Variants in RPGRIP1L observed in about 807,000 individuals in gnomAD.
RPGRIP1L encodes protein fantom.
A neutral mutation model predicts 160.4 loss-of-function variants in RPGRIP1L; 131 were observed. That is an observed-to-expected ratio of 0.82 (90% CI 0.71 to 0.94). The LOEUF (loss-of-function observed/expected upper bound fraction) is 0.94, where lower values mean the gene tolerates loss of function less well. Among genes scored for constraint, RPGRIP1L ranks in the 40% least tolerant of loss-of-function variants. The pLI, the probability that RPGRIP1L is intolerant of heterozygous loss-of-function variation, is 0.00. For missense variants in RPGRIP1L, 1,522 were observed against 1,535.8 expected, an observed-to-expected ratio of 0.99 and a Z score of 0.15; for synonymous variants, 510 against 515.8, an observed-to-expected ratio of 0.99 and a Z score of 0.15.
At position 53,667,555 on chromosome 16, in the gene RPGRIP1L, T is replaced by G. The variant is rs11865263; in HGVS notation, c.1104-2546A>C. ...GAGTTCAAGACCAGCCTAGGAAACA[T>G]AGAGAGATCCCATCTCTATAAAAAA... On this transcript the variant is annotated intron_variant, in intron 9 of 26. Coordinates refer to ENST00000647211, the MANE Select transcript of RPGRIP1L (RefSeq NM_015272.5). Among the ~76,000 whole-genome samples the G allele has an allele frequency of 7.2e-3, 1,091 of 151,860 alleles. 13 individuals carry two copies. The highest frequency in any genetic ancestry group is 0.025 in the African/African-American group (1,039 of 41,430).
chr16:53,671,481 A>G (rs769323313), intron 9 of RPGRIP1L, 29 bp downstream of exon 9: 1 of 1,410,396 alleles, frequency 7.1e-7, no homozygotes, highest in Admixed American at 1.7e-5. Context: ...AAACAAGACA[A>G]TGAAAGAACA....
Position 53,671,985 on chromosome 16 carries a change from CT to C in RPGRIP1L, c.1030-403del, listed in dbSNP as rs534364302. Among the ~76,000 whole-genome samples the C allele has an allele frequency of 1.2e-3, 183 of 151,852 alleles. 1 individual carries two copies. Among genetic ancestry groups the C allele is most frequent in the African/African-American group, 3.8e-3 (158 of 41,464 alleles). On this transcript the variant is annotated intron_variant, in intron 8 of 26. Transcript: ENST00000647211. ...GCCCATAAAGAATTAAAAGAGTTAACTTTTTTTTAGGTTCATGGTTCAAATT... is the reference window on the plus strand; with the variant it reads ...GCCCATAAAGAATTAAAAGAGTTAACTTTTTTTAGGTTCATGGTTCAAATT...
chr16:53,695,623 A>G (rs957603000), intron 3 of RPGRIP1L: 6 of 580,410 alleles, frequency 1.0e-5, no homozygotes, highest in Non-Finnish European at 1.8e-5. Flanking sequence ...TTTGCACATA[A>G]ATCAAAAGTG....
At chr16:53,620,822 A>C (rs549276872) in intron 23 of RPGRIP1L, among the ~76,000 whole-genome samples, 2 of 152,300 alleles carry the variant, frequency 1.3e-5, no homozygotes, top group East Asian at 3.9e-4. Context: ...AAATATTTTA[A>C]ATGATATTTT....
intron 15 of RPGRIP1L, 37 bp from the exon 16 acceptor site, chr16:53,649,152 T>G (rs1222940647): frequency 6.3e-7 from 1 of 1,585,232 alleles, no homozygotes; most frequent in Non-Finnish European, 8.7e-7. Flanking sequence ...TAAAATAGTT[T>G]CATACATTAA....
intron 10 of RPGRIP1L, chr16:53,659,389 A>C (rs1446752397): frequency 1.1e-4 from 19 of 165,574 alleles, no homozygotes. Context: ...TATAATGTAC[A>C]TTATTCGAGT....
Position 53,620,645 on chromosome 16 carries a change from T to C in RPGRIP1L, c.3433-1437A>G, listed in dbSNP as rs186335160. ...GTCTTTGACTTGAATATGCTTTTCA[T>C]ATTCAAATTTGAAAAGAAAGAGATG... On this transcript the variant is annotated intron_variant, in intron 23 of 26. Transcript: ENST00000647211. Among the ~76,000 whole-genome samples the C allele has an allele frequency of 1.5e-3, 228 of 152,304 alleles. 4 individuals carry two copies. The highest frequency in any genetic ancestry group is 6.6e-4 in the Non-Finnish European group (45 of 68,020).
chr16:53,644,320 G>C (rs960255547), intron 17 of RPGRIP1L, among the ~76,000 whole-genome samples: 1 of 152,060 alleles, frequency 6.6e-6, no homozygotes, highest in Admixed American at 6.6e-5. Flanking sequence ...AAAATGAATA[G>C]AGCCTCAGAG....
chr16:53,688,248 G>A (rs1970153053), intron 4 of RPGRIP1L, among the ~76,000 whole-genome samples: 1 of 151,914 alleles, frequency 6.6e-6, no homozygotes. Context: ...TTAGACTCCT[G>A]CAGTAATTTC....
chr16:53,678,157 C>T (rs1297227902), intron 6 of RPGRIP1L, among the ~76,000 whole-genome samples: 2 of 96,700 alleles, frequency 2.1e-5, no homozygotes, highest in Admixed American at 2.0e-4. Context: ...TTAAAAAAAC[C>T]ATGATTTTAA....
Position 53,615,488 on chromosome 16 carries a change from T to G in RPGRIP1L, c.3616+3537A>C, listed in dbSNP as rs2150953419. 3.5e-5 allele frequency among the ~76,000 whole-genome samples: 5 copies of G among 142,670 alleles called. 1 individual carries two copies. The South Asian group carries it at 1.1e-3, about 32-fold the overall frequency. The allele number at this position is 142,670 out of a possible 152,430, so 93.6% of individuals were successfully genotyped here. Reference sequence around the variant, plus strand: ...TATATATATATTTTTTTTTTTTTTTTTTTGAGATGGAGTCTCGCTCTGTCA... The same window carrying G: ...TATATATATATTTTTTTTTTTTTTTGTTTGAGATGGAGTCTCGCTCTGTCA... On this transcript the variant is annotated intron_variant, in intron 24 of 26. Coordinates refer to ENST00000647211, the MANE Select transcript of RPGRIP1L (RefSeq NM_015272.5).
intron 25 of RPGRIP1L, among the ~76,000 whole-genome samples, chr16:53,608,992 CCTCT>C (rs1270969342): frequency 6.6e-6 from 1 of 152,204 alleles, no homozygotes; most frequent in Admixed American, 6.5e-5. Flanking sequence ...ACCTGCAATA[CCTCT>C]CTATCTTTCT....
chr16:53,657,491 T>C lies in RPGRIP1L; in HGVS notation c.1543A>G (p.Met515Val). The part of the protein sequence containing the change: ...TVQELEKTRN[M>V]LIMQHKINKD... ...TTAATTTTGTGTTGCATAATTAGCA[T>C]GTTTCTTGTCTTTTCCAGCTCTTGC... is the stretch of plus-strand genomic sequence containing the variant. Residue 515 changes from methionine (M) to valine (V), a missense_variant, in exon 13 of 27, where the codon ATG becomes GTG. Transcript: ENST00000647211. The C allele has an allele frequency of 1.2e-6, 2 of 1,613,170 alleles. No homozygotes were observed. The highest frequency in any genetic ancestry group is 1.7e-6 in the Non-Finnish European group (2 of 1,179,464).
chr16:53,685,476 TAGATAA>T (rs1381553774), intron 6 of RPGRIP1L, among the ~76,000 whole-genome samples: 5 of 152,160 alleles, frequency 3.3e-5, no homozygotes, highest in African/African-American at 9.7e-5. Flanking sequence ...AATGATAGGC[TAGATAA>T]AGATAATGTG....
chr16:53,677,797 T>C (rs570675251), intron 6 of RPGRIP1L, among the ~76,000 whole-genome samples: 130 of 152,306 alleles, frequency 8.5e-4, no homozygotes, highest in African/African-American at 3.0e-3. Flanking sequence ...ATTTGAAGAA[T>C]AGACTTAGGG....
chr16:53,680,515 GACCCTCGACTGGATCCTAGAT>G (rs1052399452), intron 6 of RPGRIP1L, among the ~76,000 whole-genome samples: 1 of 151,878 alleles, frequency 6.6e-6, no homozygotes, highest in Non-Finnish European at 1.5e-5. Context: ...AACAACACGT[GACCCTCGACTGGATCCTAGAT>G]CAAAAGAAAA....
chr16:53,670,929 T>C (rs905963118), intron 9 of RPGRIP1L, among the ~76,000 whole-genome samples: 2 of 152,054 alleles, frequency 1.3e-5, no homozygotes, highest in African/African-American at 4.8e-5. Context: ...AACTCGTCAC[T>C]ACCAAAAAAT....
At chr16:53,621,554 C>A (rs1178168182) in intron 23 of RPGRIP1L, among the ~76,000 whole-genome samples, 1 of 151,512 alleles carries the variant, frequency 6.6e-6, no homozygotes, top group African/African-American at 2.4e-5. Context: ...TCATTTAATG[C>A]TACATGAATC....
Position 53,675,220 on chromosome 16 carries a change from T to C in RPGRIP1L, c.777-98A>G, listed in dbSNP as rs1969063708. ...TCACAATTTTTCAACTAATGTTACA[T>C]AGAAAATATTTATATACTTGTACAT... On this transcript the variant is annotated intron_variant, in intron 6 of 26. Coordinates refer to ENST00000647211, the MANE Select transcript of RPGRIP1L (RefSeq NM_015272.5). 5 of 744,338 alleles carry C rather than the reference T, an allele frequency of 6.7e-6. 1 individual carries two copies. The highest frequency in any genetic ancestry group is 1.2e-5 in the Non-Finnish European group (5 of 424,114). The allele number at this position is 744,338 out of a possible 1,614,324, so 46.1% of individuals were successfully genotyped here. A position where few individuals can be genotyped will look rare whatever the true frequency, so the allele number is the denominator to read the frequency against.
Sources: allele counts gnomAD v4.1 joint callset (sites outside exome capture counted in the v4.1 genomes callset), GRCh38; gene constraint gnomAD v4.1.1; transcripts MANE v1.5; gene names NCBI Gene and HGNC (gene_info 2026-07-23, HGNC 2026-07-21).